The following CHORDC1 variants were observed in gnomAD, a reference collection of about 807,000 sequenced individuals.
CHORDC1 encodes the protein cysteine and histidine rich domain containing 1.
A neutral mutation model predicts 48.3 loss-of-function variants in CHORDC1; 25 were observed. The observed-to-expected ratio is 0.52, with a 90% CI of 0.38 to 0.72. CHORDC1 has a LOEUF of 0.72. Among genes scored for constraint, CHORDC1 ranks in the 30% least tolerant of loss-of-function variants. The pLI is 0.00. For synonymous variants in CHORDC1, 128 were observed against 126.4 expected (o/e 1.01, Z -0.09); for missense variants, 317 against 388.7 (o/e 0.82, Z 1.55).
rs1943381 is a variant in CHORDC1, at chr11:90,206,280, G to A, written c.493-8C>T. The A allele has an allele frequency of 0.68, 993,004 of 1,465,036 alleles. 341,070 individuals are homozygous for A. Among genetic ancestry groups the A allele is most frequent in the South Asian group, 0.76 (65,531 of 86,796 alleles). 90.8% of individuals were successfully genotyped at this position (1,465,036 alleles called of 1,614,324 possible). A position where few individuals can be genotyped will look rare whatever the true frequency, so the allele number is the denominator to read the frequency against. On this transcript the variant is annotated splice_polypyrimidine_tract_variant and splice_region_variant and intron_variant, in intron 6 of 10. Coordinates refer to ENST00000320585, the MANE Select transcript of CHORDC1 (RefSeq NM_012124.3). The stretch of plus-strand genomic sequence containing the variant: ...CTCTAGACCCTGGTATGTCTAAAAA[G>A]GAAACAAAGAGAAAAAAAATTAGCT...
At chr11:90,222,582 G>C in intron 1 of CHORDC1, 1 of 601,982 alleles carries the variant, frequency 1.7e-6, no homozygotes, top group Non-Finnish European at 3.1e-6. Context: ...AAACGTGTTC[G>C]TTCTAAATTC....
At chr11:90,220,151 G>A (rs888269935) in intron 1 of CHORDC1, among the ~76,000 whole-genome samples, 6 of 151,978 alleles carry the variant, frequency 3.9e-5, no homozygotes, top group African/African-American at 9.7e-5. Context: ...TTCCAATGTC[G>A]CACAGGGAAG....
chr11:90,207,157 G>A (rs1857719326), intron 6 of CHORDC1: 1 of 168,832 alleles, frequency 5.9e-6, no homozygotes, highest in Non-Finnish European at 1.3e-5. Context: ...AGTCTATAAT[G>A]AAATCTCATC....
At chr11:90,214,247 T>A in intron 3 of CHORDC1, 72 bp from the exon 4 acceptor site, 1 of 1,121,808 alleles carries the variant, frequency 8.9e-7, no homozygotes, top group Non-Finnish European at 1.2e-6. Context: ...TCTTTTCAGT[T>A]CTTTATTGAT....
chr11:90,212,592 GGACTTTT>G (rs1857902018), intron 4 of CHORDC1: 2 of 151,480 alleles, frequency 1.3e-5, no homozygotes, highest in South Asian at 2.1e-4. Context: ...GGTAAGAGAG[GGACTTTT>G]CTTCTTAAAA....
chr11:90,206,347 G>C (rs1857686566), intron 6 of CHORDC1, 75 bp from the exon 7 acceptor site: 4 of 840,942 alleles, frequency 4.8e-6, no homozygotes, highest in Non-Finnish European at 6.0e-6. Context: ...TGCAGTATTG[G>C]TGACCTCTAC....
intron 2 of CHORDC1, chr11:90,216,640 A>G: frequency 2.6e-6 from 1 of 387,246 alleles, no homozygotes; most frequent in African/African-American, 2.2e-5. Flanking sequence ...AAGTGAATTC[A>G]TTAAGACTTG....
chr11:90,214,369 A>G (rs1857953549), intron 3 of CHORDC1, among the ~76,000 whole-genome samples, 194 bp from the exon 4 acceptor site: 1 of 152,154 alleles, frequency 6.6e-6, no homozygotes, highest in African/African-American at 2.4e-5. Flanking sequence ...GCTTTTTTAA[A>G]AAGTCTTTGA....
chr11:90,219,123 G>A (rs1418698821), intron 1 of CHORDC1, among the ~76,000 whole-genome samples: 2 of 151,860 alleles, frequency 1.3e-5, no homozygotes, highest in African/African-American at 4.8e-5. Flanking sequence ...AAAATTAGCC[G>A]GGCGTGGTAG....
At chr11:90,208,742 G>A (rs1051369356) in intron 6 of CHORDC1, 7 of 152,140 alleles carry the variant, frequency 4.6e-5, no homozygotes, top group African/African-American at 1.7e-4. Context: ...TGCATTGCTG[G>A]TGTGTTTAAT....
In CHORDC1 at chr11:90,214,182, G is replaced by A. The variant is rs1199745640; in HGVS notation, c.172-7C>T. On this transcript the variant is annotated splice_region_variant and splice_polypyrimidine_tract_variant and intron_variant, in intron 3 of 10. Coordinates refer to ENST00000320585, the MANE Select transcript of CHORDC1 (RefSeq NM_012124.3). The stretch of plus-strand genomic sequence containing the variant: ...GTCTACCTTTTGTACAGCCCTGTTA[G>A]TGAAAGATAATTCATTAAGAGCTAT... The A allele has an allele frequency of 6.3e-6, 10 of 1,584,570 alleles. No homozygotes were observed. Among genetic ancestry groups the A allele is most frequent in the Non-Finnish European group, 8.6e-6 (10 of 1,167,366 alleles).
intron 6 of CHORDC1, chr11:90,207,626 T>C (rs1043071121): frequency 1.1e-4 from 17 of 152,026 alleles, no homozygotes; most frequent in African/African-American, 4.1e-4. Context: ...ACATTAGAGA[T>C]AGGTAAAAGA....
rs1591046128 is a variant in CHORDC1, at chr11:90,201,731, T to C, written c.*674A>G. 6.6e-6 allele frequency: 1 copy of C among 152,436 alleles called. No homozygotes were observed. Among genetic ancestry groups the C allele is most frequent in the Non-Finnish European group, 1.5e-5 (1 of 67,898 alleles). The allele number at this position is 152,436 out of a possible 1,614,324, so 9.4% of individuals were successfully genotyped here. On this transcript the variant is annotated 3_prime_UTR_variant, in exon 11 of 11. Coordinates refer to ENST00000320585, the MANE Select transcript of CHORDC1 (RefSeq NM_012124.3). ...ATTATTGCTTAGTCTTATAAAATGGTGAATTTTAACCAAATTGATACCTCT... is the reference window on the plus strand; with the variant it reads ...ATTATTGCTTAGTCTTATAAAATGGCGAATTTTAACCAAATTGATACCTCT...
At position 90,218,122 on chromosome 11, in the gene CHORDC1, A is replaced by T. The variant is rs758157991; in HGVS notation, c.114+13T>A. 3 of 1,551,846 alleles carry T rather than the reference A, an allele frequency of 1.9e-6. No homozygotes were observed. Among genetic ancestry groups the T allele is most frequent in the South Asian group, 2.4e-5 (2 of 82,426 alleles). On this transcript the variant is annotated intron_variant, in intron 2 of 10. Coordinates refer to ENST00000320585, the MANE Select transcript of CHORDC1 (RefSeq NM_012124.3). Reference sequence around the variant, plus strand: ...CTACACAGATATGAAAAAAATGAAAATATAGTTCCTACCTTTAATGCATCG... The same window carrying T: ...CTACACAGATATGAAAAAAATGAAATTATAGTTCCTACCTTTAATGCATCG...
At chr11:90,211,099 T>A in intron 5 of CHORDC1, 116 bp downstream of exon 5, 1 of 631,562 alleles carries the variant, frequency 1.6e-6, no homozygotes, top group Non-Finnish European at 2.7e-6. Context: ...AAAAGTTTCT[T>A]AACTACAATG....
At chr11:90,210,314 G>A (rs2135039980) in intron 6 of CHORDC1, among the ~76,000 whole-genome samples, 1 of 152,252 alleles carries the variant, frequency 6.6e-6, no homozygotes, top group East Asian at 1.9e-4. Context: ...CACATAATAA[G>A]TGCTCAGTAA....
At chr11:90,205,954 G>C in intron 7 of CHORDC1, 2 of 502,162 alleles carry the variant, frequency 4.0e-6, no homozygotes, top group East Asian at 7.5e-5. Flanking sequence ...TTTAAATACA[G>C]AATATGAAGA....
chr11:90,219,449 C>G (rs1858107259), intron 1 of CHORDC1, among the ~76,000 whole-genome samples: 1 of 152,154 alleles, frequency 6.6e-6, no homozygotes, highest in African/African-American at 2.4e-5. Context: ...CCAAAACTGG[C>G]CATCAACAAA....
intron 1 of CHORDC1, 122 bp downstream of exon 1, chr11:90,222,769 G>C (rs1475254987): frequency 1.1e-6 from 1 of 883,232 alleles, no homozygotes; most frequent in Non-Finnish European, 1.9e-6. Context: ...GGCCCAGGAG[G>C]GGCATGGACC....
Sources: gnomAD v4.1 joint callset for allele counts (sites outside exome capture counted in the v4.1 genomes callset) on GRCh38, gnomAD v4.1.1 for gene constraint, MANE v1.5 for transcripts, NCBI Gene and HGNC (gene_info 2026-07-23, HGNC 2026-07-21) for gene names.